STIM2: variants seen among roughly 807,000 people sequenced by gnomAD.
STIM2 encodes stromal interaction molecule 2.
STIM2 carries 31 observed loss-of-function variants against 85.8 expected under a neutral mutation model. The ratio of observed to expected loss-of-function variants is 0.36; its 90% CI spans 0.27 to 0.49. STIM2 has a LOEUF of 0.49. STIM2 is among the 20% of genes least tolerant of loss of function. The pLI, the probability that STIM2 is intolerant of heterozygous loss-of-function variation, is 0.98. For missense variants in STIM2, 841 were observed against 927.6 expected, an observed-to-expected ratio of 0.91 and a Z score of 1.21; for synonymous variants, 356 against 331.1, an observed-to-expected ratio of 1.08 and a Z score of -0.82.
chr4:26,904,688 T>A (rs1724055374), intron 1 of STIM2, among the ~76,000 whole-genome samples: 1 of 151,924 alleles, frequency 6.6e-6, no homozygotes, highest in African/African-American at 2.4e-5. Flanking sequence ...CCAGCGGGAA[T>A]ATTTTTAAGA....
chr4:26,866,596 G>A (rs774904777), intron 1 of STIM2, among the ~76,000 whole-genome samples: 19 of 152,230 alleles, frequency 1.2e-4, no homozygotes, highest in Middle Eastern at 3.4e-3. Flanking sequence ...TTAAGTATAA[G>A]GTATATGTAG....
At chr4:26,961,160 G>A (rs1213398871) in intron 3 of STIM2, among the ~76,000 whole-genome samples, 1 of 152,122 alleles carries the variant, frequency 6.6e-6, no homozygotes, top group African/African-American at 2.4e-5. Context: ...TAGAGTTGAG[G>A]TTGCTAAAAA....
chr4:26,978,659 T>A (rs1016950804), intron 3 of STIM2, among the ~76,000 whole-genome samples: 1 of 152,182 alleles, frequency 6.6e-6, no homozygotes, highest in African/African-American at 2.4e-5. Context: ...TGGCCAAATC[T>A]AGATCTGCTG....
At chr4:27,003,189 T>G in intron 7 of STIM2, 85 bp downstream of exon 7, 2 of 1,294,670 alleles carry the variant, frequency 1.5e-6, no homozygotes, top group South Asian at 3.1e-5. Flanking sequence ...TTCAGTTTCC[T>G]ACATTTAGTT....
At chr4:26,982,207 A>G (rs560788921) in intron 3 of STIM2, among the ~76,000 whole-genome samples, 1 of 152,064 alleles carries the variant, frequency 6.6e-6, no homozygotes, top group African/African-American at 2.4e-5. Context: ...ATGCTGGGAG[A>G]TAACAAAGAC....
chr4:26,939,631 A>C (rs780649826), intron 2 of STIM2, among the ~76,000 whole-genome samples: 1 of 152,094 alleles, frequency 6.6e-6, no homozygotes, highest in Non-Finnish European at 1.5e-5. Context: ...AAGTACCTGA[A>C]ATGTCTTTTA....
intron 2 of STIM2, among the ~76,000 whole-genome samples, chr4:26,945,161 C>A (rs1577454220): frequency 6.6e-6 from 1 of 152,270 alleles, no homozygotes; most frequent in Non-Finnish European, 1.5e-5. Flanking sequence ...GTGTTCTCAT[C>A]ATTTAGCTCC....
rs539442582 is a variant in STIM2, at chr4:26,895,434, A to G, written c.152-24070A>G. Among the ~76,000 whole-genome samples the G allele has an allele frequency of 1.2e-4, 19 of 152,274 alleles. No individual in the cohort carries two copies. In the Middle Eastern group the frequency reaches 0.01, roughly 82 times the overall value. On this transcript the variant is annotated intron_variant, in intron 1 of 11. Coordinates refer to ENST00000467087, the MANE Select transcript of STIM2 (RefSeq NM_020860.4). ...GTTCCCAATGTTTAAAATAACAAAT[A>G]CCATCATGGATCCATACGTTTTGAG...
intron 3 of STIM2, among the ~76,000 whole-genome samples, chr4:26,984,740 T>G (rs1460785649): frequency 6.6e-6 from 1 of 152,180 alleles, no homozygotes; most frequent in African/African-American, 2.4e-5. Flanking sequence ...ATAGTACACT[T>G]AGTTTCATTG....
chr4:26,997,848 A>G (rs757801493), intron 4 of STIM2, among the ~76,000 whole-genome samples: 2 of 152,218 alleles, frequency 1.3e-5, no homozygotes, highest in African/African-American at 4.8e-5. Context: ...CAGAGAGGGA[A>G]TGTTACAGTT....
intron 3 of STIM2, among the ~76,000 whole-genome samples, chr4:26,968,136 A>G (rs1433885297): frequency 6.6e-6 from 1 of 152,164 alleles, no homozygotes; most frequent in Non-Finnish European, 1.5e-5. Flanking sequence ...GTGCCACTGC[A>G]CTACAGCCTG....
At chr4:26,981,386 G>A (rs1308920578) in intron 3 of STIM2, among the ~76,000 whole-genome samples, 3 of 152,200 alleles carry the variant, frequency 2.0e-5, no homozygotes, top group Non-Finnish European at 4.4e-5. Flanking sequence ...AAGCTACAAA[G>A]TAATGGAGAA....
chr4:26,969,233 G>C (rs1484576440), intron 3 of STIM2, among the ~76,000 whole-genome samples: 1 of 152,178 alleles, frequency 6.6e-6, no homozygotes, highest in African/African-American at 2.4e-5. Flanking sequence ...GACAATCCTT[G>C]TTGAACAATG....
chr4:26,935,641 A>G (rs1420295513), intron 2 of STIM2, among the ~76,000 whole-genome samples: 1 of 152,178 alleles, frequency 6.6e-6, no homozygotes, highest in African/African-American at 2.4e-5. Context: ...GGACCTAGCA[A>G]TCCGTTTTAA....
rs1722146764 is a variant in STIM2 at position 26,860,956 on chromosome 4, C to T, written c.-263C>T. ...TTTTTTTTTTTTAAATAACCGGAAC[C>T]AATGAACGCAGCCGGGATCAGAGCT... is the stretch of plus-strand genomic sequence containing the variant. On this transcript the variant is annotated 5_prime_UTR_variant, in exon 1 of 12. Coordinates refer to ENST00000467087, the MANE Select transcript of STIM2 (RefSeq NM_020860.4). 8.1e-7 allele frequency: 1 copy of T among 1,230,570 alleles called. No homozygotes were observed. The highest frequency in any genetic ancestry group is 1.0e-6 in the Non-Finnish European group (1 of 974,148). The allele number at this position is 1,230,570 out of a possible 1,614,324, so 76.2% of individuals were successfully genotyped here.
intron 1 of STIM2, among the ~76,000 whole-genome samples, chr4:26,901,355 C>G (rs1490532586): frequency 6.6e-6 from 1 of 152,074 alleles, no homozygotes; most frequent in Non-Finnish European, 1.5e-5. Context: ...ATACTAATTT[C>G]TATGAGGATT....
chr4:26,975,802 T>C (rs188957789), intron 3 of STIM2, among the ~76,000 whole-genome samples: 116 of 152,332 alleles, frequency 7.6e-4, no homozygotes, highest in African/African-American at 2.6e-3. Context: ...GACAGGGACA[T>C]TTAAGTCTGC....
At chr4:26,956,438 A>G (rs1174571186) in intron 2 of STIM2, among the ~76,000 whole-genome samples, 1 of 150,356 alleles carries the variant, frequency 6.7e-6, no homozygotes, top group African/African-American at 2.5e-5. Flanking sequence ...AGATGATTTC[A>G]ATGCCTTTTT....
chr4:26,919,660 T>A (rs968306774), intron 2 of STIM2, 26 bp downstream of exon 2: 1 of 1,612,658 alleles, frequency 6.2e-7, no homozygotes, highest in African/African-American at 1.3e-5. Context: ...TTTTCCTTGC[T>A]ATTGTCTTAG....
Sources: gnomAD v4.1 joint callset for allele counts (sites outside exome capture counted in the v4.1 genomes callset) on GRCh38, gnomAD v4.1.1 for gene constraint, MANE v1.5 for transcripts, NCBI Gene and HGNC (gene_info 2026-07-23, HGNC 2026-07-21) for gene names.